Variants in MED13L observed in about 807,000 individuals in gnomAD.
MED13L encodes mediator of RNA polymerase II transcription subunit 13-like.
In MED13L, 7 loss-of-function variants were observed where a neutral mutation model predicts 220.9. The ratio of observed to expected loss-of-function variants is 0.03; its 90% confidence interval spans 0.02 to 0.06. The LOEUF (loss-of-function observed/expected upper bound fraction) is 0.06. Ranked by LOEUF, MED13L falls within the 10% of genes least tolerant of loss-of-function variation. MED13L has a pLI of 1.00. For synonymous variants in MED13L, 1,011 were observed against 1,015.2 expected, an observed-to-expected ratio of 1.00 and a Z score of 0.08; for missense variants, 1,965 against 2,760.5, an observed-to-expected ratio of 0.71 and a Z score of 6.46.
At chr12:116,010,721 G>A (rs1879339638) in intron 9 of MED13L, among the ~76,000 whole-genome samples, 2 of 152,098 alleles carry the variant, frequency 1.3e-5, no homozygotes, top group Admixed American at 1.3e-4. Flanking sequence ...AAGGAAAGGA[G>A]AAGGATTACA....
chr12:115,994,244 A>G (rs1174588681), intron 16 of MED13L, among the ~76,000 whole-genome samples: 3 of 152,144 alleles, frequency 2.0e-5, no homozygotes, highest in Non-Finnish European at 4.4e-5. Context: ...CCAGGAGTTC[A>G]GGACCAGTGT....
chr12:116,018,482 C>T (rs1182439518), intron 7 of MED13L, among the ~76,000 whole-genome samples: 1 of 152,166 alleles, frequency 6.6e-6, no homozygotes, highest in Non-Finnish European at 1.5e-5. Context: ...GCTTGGCCCA[C>T]ATTCAATGCT....
At chr12:115,971,864 T>C (rs1876608252) in intron 26 of MED13L, among the ~76,000 whole-genome samples, 2 of 152,174 alleles carry the variant, frequency 1.3e-5, no homozygotes, top group Admixed American at 6.6e-5. Context: ...ATTCAGAACT[T>C]AGTCTCTCCC....
At chr12:116,019,653 T>C in intron 6 of MED13L, 125 bp downstream of exon 6, 1 of 1,216,608 alleles carries the variant, frequency 8.2e-7, no homozygotes, top group Non-Finnish European at 1.2e-6. Context: ...CATACCATTG[T>C]GTCAAGAGAA....
intron 9 of MED13L, 97 bp downstream of exon 9, chr12:116,012,700 G>T: frequency 1.1e-6 from 1 of 889,608 alleles, no homozygotes; most frequent in South Asian, 1.3e-5. Flanking sequence ...GGAGGAGAAT[G>T]GAGAATCAGG....
At chr12:116,001,978 AGGATCAAT>A (rs2137354259) in intron 14 of MED13L, among the ~76,000 whole-genome samples, 1 of 152,354 alleles carries the variant, frequency 6.6e-6, no homozygotes, top group South Asian at 2.1e-4. Context: ...AAAAGGGTAA[AGGATCAAT>A]GGATTCAAAA....
chr12:116,136,955 A>T (rs1170866279), intron 2 of MED13L, among the ~76,000 whole-genome samples: 9 of 152,226 alleles, frequency 5.9e-5, no homozygotes, highest in Non-Finnish European at 1.0e-4. Context: ...TAAACAGAAG[A>T]CAATTGAGGT....
intron 2 of MED13L, among the ~76,000 whole-genome samples, chr12:116,224,367 C>G (rs1185527931): frequency 2.0e-5 from 3 of 152,144 alleles, no homozygotes; most frequent in Non-Finnish European, 4.4e-5. Flanking sequence ...TCTATCTACC[C>G]TTTAAGGTTA....
chr12:116,216,401 A>C (rs1882998478), intron 2 of MED13L, among the ~76,000 whole-genome samples: 1 of 152,172 alleles, frequency 6.6e-6, no homozygotes, highest in African/African-American at 2.4e-5. Flanking sequence ...TTCCCAGAGA[A>C]CTTTATCTGT....
At chr12:115,982,156 C>T in intron 22 of MED13L, 1 of 546,506 alleles carries the variant, frequency 1.8e-6, no homozygotes, top group Non-Finnish European at 3.3e-6. Flanking sequence ...GTATATGAAA[C>T]ATAAATAAAT....
At chr12:116,028,532 G>C (rs1010454374) in intron 4 of MED13L, among the ~76,000 whole-genome samples, 2 of 152,090 alleles carry the variant, frequency 1.3e-5, no homozygotes, top group Non-Finnish European at 2.9e-5. Flanking sequence ...TTAACATAGT[G>C]TTTAGTACAT....
At chr12:115,987,352 T>A in intron 17 of MED13L, 64 bp from the exon 18 acceptor site, 1 of 1,446,362 alleles carries the variant, frequency 6.9e-7, no homozygotes, top group Non-Finnish European at 9.6e-7. Flanking sequence ...TTCCTCACCA[T>A]CACCTCGAGC....
chr12:116,061,672 A>C (rs949290530), intron 4 of MED13L, among the ~76,000 whole-genome samples: 1 of 152,172 alleles, frequency 6.6e-6, no homozygotes, highest in South Asian at 2.1e-4. Flanking sequence ...ATAGATTTTA[A>C]ATTTTACAGT....
intron 2 of MED13L, among the ~76,000 whole-genome samples, chr12:116,204,240 T>C (rs1057111641): frequency 1.3e-5 from 2 of 152,244 alleles, no homozygotes; most frequent in South Asian, 2.1e-4. Flanking sequence ...TCAATCTTTC[T>C]ACTTTGAGAG....
chr12:116,064,462 T>C (rs1869759154), intron 4 of MED13L, among the ~76,000 whole-genome samples: 1 of 152,176 alleles, frequency 6.6e-6, no homozygotes, highest in East Asian at 1.9e-4. Context: ...TGTACTTATT[T>C]CTTATGAAAA....
At chr12:116,198,376 T>C (rs948193074) in intron 2 of MED13L, among the ~76,000 whole-genome samples, 3 of 152,178 alleles carry the variant, frequency 2.0e-5, no homozygotes, top group African/African-American at 7.2e-5. Context: ...ATGCCTTTCT[T>C]GTGTTTCCTG....
At chr12:116,030,599 T>C (rs1279177459) in intron 4 of MED13L, among the ~76,000 whole-genome samples, 3 of 152,258 alleles carry the variant, frequency 2.0e-5, no homozygotes, top group East Asian at 3.9e-4. Context: ...ATAAAACTTC[T>C]TTTTTGAGCA....
intron 29 of MED13L, among the ~76,000 whole-genome samples, chr12:115,964,580 T>C (rs1876009570): frequency 1.3e-5 from 2 of 152,238 alleles, no homozygotes; most frequent in South Asian, 4.1e-4. Context: ...CAACAAATGA[T>C]GACTGATTTT....
intron 7 of MED13L, among the ~76,000 whole-genome samples, chr12:116,016,303 A>T (rs913076060): frequency 2.0e-5 from 3 of 151,918 alleles, no homozygotes; most frequent in East Asian, 1.9e-4. Flanking sequence ...ACGTCTATTT[A>T]AAAAAAAGAC....
Sources: allele counts gnomAD v4.1 joint callset (sites outside exome capture counted in the v4.1 genomes callset), GRCh38; gene constraint gnomAD v4.1.1; transcripts MANE v1.5; gene names NCBI Gene and HGNC (gene_info 2026-07-23, HGNC 2026-07-21).